The following SMPDL3A variants were observed in gnomAD, a reference collection of about 807,000 sequenced individuals.
SMPDL3A encodes cyclic GMP-AMP phosphodiesterase SMPDL3A.
A neutral mutation model predicts 38.5 loss-of-function variants in SMPDL3A; 39 were observed. The observed-to-expected ratio is 1.01, with a 90% confidence interval of 0.78 to 1.32. SMPDL3A has a LOEUF of 1.32. Among genes scored for constraint, SMPDL3A ranks in the 40% most tolerant of loss-of-function variants. The pLI, the probability that SMPDL3A is intolerant of heterozygous loss-of-function variation, is 0.00. For missense variants in SMPDL3A, 502 were observed against 536.2 expected, an observed-to-expected ratio of 0.94 and a Z score of 0.63; for synonymous variants, 180 against 194.3, an observed-to-expected ratio of 0.93 and a Z score of 0.61.
At chr6:122,791,757 A>T (rs12528569) in intron 1 of SMPDL3A, among the ~76,000 whole-genome samples, 3,708 of 152,234 alleles carry the variant, frequency 0.024, 296 homozygotes, top group Admixed American at 0.17. Flanking sequence ...GCAGTGGCGC[A>T]ATCTCGGCTC....
intron 3 of SMPDL3A, 137 bp downstream of exon 3, chr6:122,797,105 C>G (rs1781274462): frequency 3.3e-6 from 2 of 610,004 alleles, no homozygotes; most frequent in Admixed American, 6.5e-5. Flanking sequence ...TCCTAACCAT[C>G]AAGAAAGGCA....
intron 3 of SMPDL3A, among the ~76,000 whole-genome samples, chr6:122,801,107 C>T (rs2115169636): frequency 6.6e-6 from 1 of 152,290 alleles, no homozygotes; most frequent in South Asian, 2.1e-4. Flanking sequence ...GGGTAGTGCC[C>T]AGCACATTGT....
intron 1 of SMPDL3A, chr6:122,789,873 T>C (rs1204325439): frequency 1.0e-6 from 1 of 985,244 alleles, no homozygotes. Context: ...CGGTCCTGAA[T>C]GGAGGGGGAC....
At chr6:122,804,887 CT>C in intron 5 of SMPDL3A, 21 bp from the exon 6 acceptor site, 3 of 1,581,526 alleles carry the variant, frequency 1.9e-6, no homozygotes, top group Admixed American at 1.9e-5. Flanking sequence ...CTCATGAGGC[CT>C]TTTTGTGTTT....
Position 122,809,265 on chromosome 6 carries a change from T to G in SMPDL3A, c.1219T>G (p.Tyr407Asp), listed in dbSNP as rs896832949. 1.9e-6 allele frequency: 3 copies of G among 1,614,004 alleles called. No individual in the cohort carries two copies. Among genetic ancestry groups the G allele is most frequent in the Non-Finnish European group, 2.5e-6 (3 of 1,179,958 alleles). Residue 407 changes from tyrosine (Y) to aspartate (D), a missense_variant, in exon 8 of 8, where the codon TAC becomes GAC. Physicochemically the swap from Tyr to Asp is radical, Grantham distance 160. Transcript: ENST00000368440. ...ILDSKQFIKY[Y>D]NYFFVSYDSS... ...AGACAGTAAGCAGTTTATAAAATAC[T>G]ACAATTACTTCTTTGTGAGTTATGA...
chr6:122,803,980 CTTTCT>C, intron 5 of SMPDL3A, 147 bp downstream of exon 5: 1 of 575,824 alleles, frequency 1.7e-6, no homozygotes, highest in Non-Finnish European at 2.9e-6. Flanking sequence ...CATGGATTTT[CTTTCT>C]TTTTTTTTTT....
rs778615504 is a variant in SMPDL3A, at chr6:122,795,723, C to T, written c.159C>T (p.His53=). The T allele has an allele frequency of 1.2e-6, 2 of 1,614,214 alleles. No individual in the cohort carries two copies. The highest frequency in any genetic ancestry group is 1.3e-5 in the African/African-American group (1 of 75,072). The change falls in exon 2 of 8, where the codon CAC becomes CAT. Residue 53 remains histidine, a synonymous_variant. Transcript: ENST00000368440. Reference sequence around the variant, plus strand: ...ACTTACACTTAGACCCTACTTACCACATCACAGATGACCACACAAAAGTGT... The same window carrying T: ...ACTTACACTTAGACCCTACTTACCATATCACAGATGACCACACAAAAGTGT... ...VTDLHLDPTY[H]ITDDHTKVCA...
At chr6:122,792,051 T>G (rs976112271) in intron 1 of SMPDL3A, among the ~76,000 whole-genome samples, 1 of 152,176 alleles carries the variant, frequency 6.6e-6, no homozygotes, top group Non-Finnish European at 1.5e-5. Context: ...TAAACAGAAC[T>G]TTGGACTTTG....
intron 7 of SMPDL3A, among the ~76,000 whole-genome samples, chr6:122,806,639 G>A (rs775814321): frequency 3.4e-4 from 52 of 152,188 alleles, no homozygotes; most frequent in Non-Finnish European, 6.6e-4. Flanking sequence ...ACTTGTATAC[G>A]TACTGAAATG....
At chr6:122,803,551 T>A (rs916607087) in intron 4 of SMPDL3A, 113 bp from the exon 5 acceptor site, 1 of 736,658 alleles carries the variant, frequency 1.4e-6, no homozygotes, top group Admixed American at 2.8e-5. Flanking sequence ...AACTAAACAA[T>A]GAGAAATAAG....
intron 5 of SMPDL3A, 96 bp downstream of exon 5, chr6:122,803,929 T>C: frequency 4.1e-6 from 4 of 986,948 alleles, no homozygotes; most frequent in Non-Finnish European, 6.0e-6. Flanking sequence ...AATAAAAGTA[T>C]TATAATTTGA....
intron 6 of SMPDL3A, 62 bp from the exon 7 acceptor site, chr6:122,806,171 A>G: frequency 1.4e-6 from 2 of 1,417,484 alleles, no homozygotes; most frequent in Non-Finnish European, 9.5e-7. Context: ...GAAACTTTAT[A>G]TTTTTAATAT....
chr6:122,795,431 C>G (rs959393151), intron 1 of SMPDL3A, among the ~76,000 whole-genome samples: 1 of 152,062 alleles, frequency 6.6e-6, no homozygotes, highest in Non-Finnish European at 1.5e-5. Flanking sequence ...GCATGAGCCA[C>G]CGCGCCCGGC....
Position 122,809,247 on chromosome 6 carries a change from A to G in SMPDL3A, c.1201A>G (p.Lys401Glu), listed in dbSNP as rs1450611335. 1.2e-6 allele frequency: 2 copies of G among 1,614,082 alleles called. No individual in the cohort carries two copies. The highest frequency in any genetic ancestry group is 1.7e-6 in the Non-Finnish European group (2 of 1,180,012). ...TAAACAATTTACAATCCTAGACAGT[A>G]AGCAGTTTATAAAATACTACAATTA... ...LAKQFTILDS[K>E]QFIKYYNYFF... Residue 401 changes from lysine (K) to glutamate (E), a missense_variant, in exon 8 of 8, where the codon AAG (lysine) becomes GAG (glutamate). Lys to Glu is a moderately conservative substitution (Grantham distance 56). Transcript: ENST00000368440.
rs983601290 is a variant in SMPDL3A, at chr6:122,791,985, G to T, written c.112+2527G>T. ...TGGGATTACAGGCATGAGCCACCGC[G>T]CCCGACTTGGAAATCTTTTTAAAGA... On this transcript the variant is annotated intron_variant, in intron 1 of 7. Transcript: ENST00000368440. Among the ~76,000 whole-genome samples, 12 of 152,242 alleles carry T rather than the reference G, an allele frequency of 7.9e-5. No individual in the cohort carries two copies. In the East Asian group the frequency reaches 1.7e-3, roughly 22 times the overall value.
chr6:122,803,191 T>A (rs531027775), intron 4 of SMPDL3A, among the ~76,000 whole-genome samples: 16 of 152,298 alleles, frequency 1.1e-4, no homozygotes, highest in Admixed American at 2.0e-4. Flanking sequence ...CCTTTAAACC[T>A]CCTCTCCCCT....
At chr6:122,797,843 C>T (rs984593599) in intron 3 of SMPDL3A, among the ~76,000 whole-genome samples, 3 of 152,196 alleles carry the variant, frequency 2.0e-5, no homozygotes, top group Non-Finnish European at 2.9e-5. Context: ...TAGACCTACC[C>T]TTCATTTTGT....
intron 1 of SMPDL3A, among the ~76,000 whole-genome samples, chr6:122,791,474 C>G (rs1047346529): frequency 2.1e-4 from 32 of 152,282 alleles, no homozygotes; most frequent in African/African-American, 7.7e-4. Flanking sequence ...ATCCCAGCAG[C>G]CATACTTCAA....
intron 7 of SMPDL3A, 24 bp downstream of exon 7, chr6:122,806,381 G>T: frequency 6.3e-7 from 1 of 1,588,174 alleles, no homozygotes; most frequent in Non-Finnish European, 8.6e-7. Context: ...TTTCAGAGCT[G>T]ACCCCATATT....
Sources: gnomAD v4.1 joint callset for allele counts (sites outside exome capture counted in the v4.1 genomes callset) on GRCh38, gnomAD v4.1.1 for gene constraint, MANE v1.5 for transcripts, NCBI Gene and HGNC (gene_info 2026-07-23, HGNC 2026-07-21) for gene names.